HEMK2: variants seen among roughly 807,000 people sequenced by gnomAD.
HEMK2 encodes HemK methyltransferase 2, ETF1 glutamine and histone H4 lysine.
the HEMK2 span, among the ~76,000 whole-genome samples, chr21:28,813,669 T>C: frequency 6.6e-6 from 1 of 152,146 alleles, no homozygotes; most frequent in Non-Finnish European, 1.5e-5. Flanking sequence ...ATTACCTGAC[T>C]TCAAACTATA....
chr21:28,826,894 T>TA, the HEMK2 span, among the ~76,000 whole-genome samples: 1 of 152,188 alleles, frequency 6.6e-6, no homozygotes, highest in African/African-American at 2.4e-5. Flanking sequence ...AAAATGCAAG[T>TA]ACCCTATGTC....
At chr21:28,843,498 A>G in the HEMK2 span, among the ~76,000 whole-genome samples, 1 of 152,170 alleles carries the variant, frequency 6.6e-6, no homozygotes, top group African/African-American at 2.4e-5. Flanking sequence ...AAGGTAGCAC[A>G]TGTGCAATTC....
At chr21:28,742,364 C>T in the HEMK2 span, among the ~76,000 whole-genome samples, 1 of 152,190 alleles carries the variant, frequency 6.6e-6, no homozygotes, top group South Asian at 2.1e-4. Context: ...ACTTTGCTGC[C>T]ATAAGTTCTG....
the HEMK2 span, among the ~76,000 whole-genome samples, chr21:28,611,911 CAA>C: frequency 0.13 from 9,026 of 71,582 alleles, 292 homozygotes; most frequent in African/African-American, 0.2. Context: ...GACACCATCT[CAA>C]AAAAAAAAAA....
chr21:28,831,518 A>AGAAGGAAAGAAGGAAAGAAG, the HEMK2 span, among the ~76,000 whole-genome samples: 1 of 76,720 alleles, frequency 1.3e-5, no homozygotes, highest in African/African-American at 7.9e-5. Flanking sequence ...AAAGAAAGAA[A>AGAAGGAAAGAAGGAAAGAAG]GAAAGAAGGA....
the HEMK2 span, among the ~76,000 whole-genome samples, chr21:28,719,108 C>T: frequency 6.6e-6 from 1 of 152,128 alleles, no homozygotes; most frequent in African/African-American, 2.4e-5. Context: ...ATTTCTATGC[C>T]TTCTTTTATG....
the HEMK2 span, among the ~76,000 whole-genome samples, chr21:28,592,455 G>T: frequency 6.6e-6 from 1 of 152,174 alleles, no homozygotes; most frequent in South Asian, 2.1e-4. Context: ...TAGACAATAC[G>T]TGAAAATGTG....
At chr21:28,733,423 C>T in the HEMK2 span, among the ~76,000 whole-genome samples, 2 of 152,330 alleles carry the variant, frequency 1.3e-5, no homozygotes, top group Non-Finnish European at 2.9e-5. Flanking sequence ...GCATCCACAA[C>T]AGTCTCCAGC....
chr21:28,611,467 T>A, the HEMK2 span, among the ~76,000 whole-genome samples: 1 of 152,106 alleles, frequency 6.6e-6, no homozygotes, highest in Admixed American at 6.6e-5. Context: ...TTTACATGCA[T>A]AAACTAGAAA....
At chr21:28,743,957 T>G in the HEMK2 span, among the ~76,000 whole-genome samples, 1 of 152,198 alleles carries the variant, frequency 6.6e-6, no homozygotes, top group South Asian at 2.1e-4. Flanking sequence ...TGGATGGAAC[T>G]GGAGGCTGTT....
the HEMK2 span, among the ~76,000 whole-genome samples, chr21:28,823,941 T>C: frequency 7.2e-5 from 11 of 152,186 alleles, no homozygotes; most frequent in Admixed American, 7.2e-4. Context: ...TCAGGTAAGC[T>C]TGTGTATTAA....
chr21:28,883,672 A>C, the HEMK2 span, among the ~76,000 whole-genome samples: 1 of 152,212 alleles, frequency 6.6e-6, no homozygotes, highest in Non-Finnish European at 1.5e-5. Context: ...TCTTCATTCT[A>C]CTGTACTTTA....
the HEMK2 span, among the ~76,000 whole-genome samples, chr21:28,680,956 G>A: frequency 2.6e-5 from 4 of 152,108 alleles, no homozygotes; most frequent in Non-Finnish European, 2.9e-5. Context: ...TACTGAATGG[G>A]CAAAAACTGG....
chr21:28,781,484 AT>A, the HEMK2 span, among the ~76,000 whole-genome samples: 152,313 of 152,314 alleles, frequency 1, 76,156 homozygotes, highest in Middle Eastern at 1. Flanking sequence ...ATCTTGAAGG[AT>A]TTCACAGAAC....
the HEMK2 span, among the ~76,000 whole-genome samples, chr21:28,644,876 C>G: frequency 6.6e-6 from 1 of 152,154 alleles, no homozygotes; most frequent in Non-Finnish European, 1.5e-5. Context: ...TTTTGTTAAT[C>G]TGATGAGAGA....
the HEMK2 span, among the ~76,000 whole-genome samples, chr21:28,697,013 T>TA: frequency 6.6e-6 from 1 of 151,196 alleles, no homozygotes; most frequent in South Asian, 2.1e-4. Context: ...GGAAAACATT[T>TA]TTTTTTCTCC....
chr21:28,594,366 A>G, the HEMK2 span, among the ~76,000 whole-genome samples: 9 of 152,232 alleles, frequency 5.9e-5, no homozygotes, highest in Non-Finnish European at 1.0e-4. Context: ...TACTCATATT[A>G]GTTCATTAAT....
the HEMK2 span, among the ~76,000 whole-genome samples, chr21:28,814,168 C>G: frequency 6.6e-6 from 1 of 152,012 alleles, no homozygotes; most frequent in Non-Finnish European, 1.5e-5. Context: ...ACCTGGGAGG[C>G]AGAGGTTGCA....
At chr21:28,639,776 A>G in the HEMK2 span, among the ~76,000 whole-genome samples, 1 of 152,232 alleles carries the variant, frequency 6.6e-6, no homozygotes, top group Non-Finnish European at 1.5e-5. Flanking sequence ...TCAGACGAGG[A>G]ACCCTGATTA....
Sources: allele counts gnomAD v4.1 joint callset (sites outside exome capture counted in the v4.1 genomes callset), GRCh38; gene constraint gnomAD v4.1.1; transcripts MANE v1.5; gene names NCBI Gene and HGNC (gene_info 2026-07-23, HGNC 2026-07-21).